H1-2: variants seen among roughly 807,000 people sequenced by gnomAD.
The protein encoded by H1-2 is H1.2 linker histone, cluster member.
In H1-2, 7 loss-of-function variants were observed where a neutral mutation model predicts 7.2. That is an observed-to-expected ratio of 0.97 (90% CI 0.55 to 1.82). The LOEUF is 1.82. H1-2 is among the 40% of genes most tolerant of loss of function. The pLI is 0.00. For missense variants in H1-2, 703 were observed against 276.6 expected (o/e 2.54, Z -10.94); for synonymous variants, 300 against 118.2 (o/e 2.54, Z -9.98).
rs376392559 is a variant in H1-2 at position 26,056,409 on chromosome 6, G to A, written c.20C>T (p.Ala7Val). The change falls in exon 1 of 1, where the codon GCC (alanine) becomes GTC (valine). Residue 7 changes from alanine to valine, a missense_variant. Transcript: ENST00000343677. Reference sequence around the variant, plus strand: ...CGCAGGAGGCGCGGCAGCGGGAGCGGCAGGAGCAGTCTCGGACATGTTGAG... The same window carrying A: ...CGCAGGAGGCGCGGCAGCGGGAGCGACAGGAGCAGTCTCGGACATGTTGAG... MSETAP[A>V]APAAAPPAEK... is the part of the protein sequence containing the mutation. The A allele has an allele frequency of 1.4e-5, 22 of 1,599,208 alleles. No homozygotes were observed. In the African/African-American group the frequency reaches 1.9e-4, roughly 14 times the overall value.
chr6:26,056,169 A>C lies in H1-2; in HGVS notation c.260T>G (p.Leu87Arg). 1 of 1,614,244 alleles carries C rather than the reference A, an allele frequency of 6.2e-7. No individual in the cohort carries two copies. Residue 87 changes from leucine to arginine, a missense_variant, in exon 1 of 1, where the codon CTG (leucine) becomes CGG (arginine). By Grantham distance (102) the Leu-to-Arg change is moderately radical. Transcript: ENST00000343677. ...NSRIKLGLKSLVSKGTLVQTK... is the reference protein window; with the variant it reads ...NSRIKLGLKSRVSKGTLVQTK... ...TTGCACCAGAGTGCCCTTGCTCACC[A>C]GGCTCTTGAGACCAAGTTTGATACG...
At position 26,056,355 on chromosome 6, in the gene H1-2, G is replaced by A. The variant is rs376512453; in HGVS notation, c.74C>T (p.Ala25Val). ...AEKAPVKKKA[A>V]KKAGGTPRKA... The stretch of plus-strand genomic sequence containing the variant: ...ACGAGGCGTACCCCCAGCCTTTTTG[G>A]CCGCCTTCTTCTTTACAGGGGCCTT... Residue 25 changes from alanine to valine, a missense_variant, in exon 1 of 1, where the codon GCC becomes GTC. Transcript: ENST00000343677. The A allele has an allele frequency of 7.1e-4, 1,148 of 1,613,588 alleles. 20 individuals carry two copies. The South Asian group carries it at 0.011, about 16-fold the overall frequency.
rs769149236 is a variant in H1-2 at position 26,055,853 on chromosome 6, A to C, written c.576T>G (p.Ala192=). 2 of 1,613,918 alleles carry C rather than the reference A, an allele frequency of 1.2e-6. No homozygotes were observed. Among genetic ancestry groups the C allele is most frequent in the Middle Eastern group, 1.7e-4 (1 of 6,056 alleles). ...TGGGCTTAGCGGCCTTGGGCTTCAC[A>C]GCCTTAGCAGCACTTTTGGCAGCTT... ...PKKAAKSAAK[A]VKPKAAKPKV... The change falls in exon 1 of 1, where the codon GCT becomes GCG. Residue 192 remains alanine, a synonymous_variant. Coordinates refer to ENST00000343677, the MANE Select transcript of H1-2 (RefSeq NM_005319.4).
Position 26,056,418 on chromosome 6 carries a change from G to A in H1-2, c.11C>T (p.Thr4Ile), listed in dbSNP as rs766308934. 1.1e-5 allele frequency: 17 copies of A among 1,583,400 alleles called. No homozygotes were observed. Among genetic ancestry groups the A allele is most frequent in the Middle Eastern group, 1.7e-4 (1 of 5,884 alleles). MSE[T>I]APAAPAAAPP... ...CGCGGCAGCGGGAGCGGCAGGAGCAGTCTCGGACATGTTGAGAATCAAAAA... is the reference window on the plus strand; with the variant it reads ...CGCGGCAGCGGGAGCGGCAGGAGCAATCTCGGACATGTTGAGAATCAAAAA... Residue 4 changes from threonine to isoleucine, a missense_variant, in exon 1 of 1, where the codon ACT (threonine) becomes ATT (isoleucine). Transcript: ENST00000343677.
chr6:26,056,206 T>C lies in H1-2; in HGVS notation c.223A>G (p.Lys75Glu). The change falls in exon 1 of 1, where the codon AAA becomes GAA. Residue 75 changes from lysine (K) to glutamate (E), a missense_variant. By Grantham distance (56) the Lys-to-Glu change is moderately conservative. Transcript: ENST00000343677. ...ALAAAGYDVEKNNSRIKLGLK... is the reference protein window; with the variant it reads ...ALAAAGYDVEENNSRIKLGLK... ...CCAAGTTTGATACGGCTGTTGTTTT[T>C]CTCCACATCATAGCCGGCGGCAGCC... is the stretch of plus-strand genomic sequence containing the variant. 3 of 1,614,202 alleles carry C rather than the reference T, an allele frequency of 1.9e-6. No individual in the cohort carries two copies. Among genetic ancestry groups the C allele is most frequent in the Middle Eastern group, 1.6e-4 (1 of 6,062 alleles).
Position 26,055,776 on chromosome 6 carries a change from T to C in H1-2, c.*11A>G, listed in dbSNP as rs374224259. The C allele has an allele frequency of 7.6e-6, 12 of 1,582,170 alleles. No individual in the cohort carries two copies. Among genetic ancestry groups the C allele is most frequent in the East Asian group, 4.5e-5 (2 of 44,798 alleles). On this transcript the variant is annotated 3_prime_UTR_variant, in exon 1 of 1. Coordinates refer to ENST00000343677, the MANE Select transcript of H1-2 (RefSeq NM_005319.4). ...AAAAGAGCCTTTTGGGTTTTAGAAG[T>C]AGGCGTTCGCCTATTTCTTCTTGGG...
rs762871933 is a variant in H1-2, at chr6:26,056,000, G to C, written c.429C>G (p.Gly143=). 13 of 1,613,818 alleles carry C rather than the reference G, an allele frequency of 8.1e-6. No homozygotes were observed. The highest frequency in any genetic ancestry group is 1.1e-5 in the Non-Finnish European group (13 of 1,180,026). The change falls in exon 1 of 1, where the codon GGC becomes GGG. Residue 143 remains glycine, a synonymous_variant. Coordinates refer to ENST00000343677, the MANE Select transcript of H1-2 (RefSeq NM_005319.4). ...GAAKKPKKAA[G]GATPKKSAKK... The stretch of plus-strand genomic sequence containing the variant: ...TAGCGCTCTTCTTCGGAGTTGCGCC[G>C]CCAGCCGCCTTCTTGGGCTTCTTGG...
At position 26,056,078 on chromosome 6, in the gene H1-2, C is replaced by A. The variant is rs377684232; in HGVS notation, c.351G>T (p.Lys117Asn). 6.2e-7 allele frequency: 1 copy of A among 1,614,094 alleles called. No individual in the cohort carries two copies. The highest frequency in any genetic ancestry group is 1.3e-5 in the African/African-American group (1 of 74,944). ...TTCCGCCCGCCTTTTTAACCTTGGGCTTGGCTTCCCCGGAGGCTGCCTTCT... is the reference window on the plus strand; with the variant it reads ...TTCCGCCCGCCTTTTTAACCTTGGGATTGGCTTCCCCGGAGGCTGCCTTCT... Reference protein sequence around the residue: ...LNKKAASGEAKPKVKKAGGTK... With the variant: ...LNKKAASGEANPKVKKAGGTK... Residue 117 changes from lysine to asparagine, a missense_variant, in exon 1 of 1, where the codon AAG becomes AAT. Physicochemically the swap from Lys to Asn is moderately conservative, Grantham distance 94. Transcript: ENST00000343677.
chr6:26,055,957 C>G lies in H1-2; in HGVS notation c.472G>C (p.Ala158Pro), dbSNP rs780492856. ...KKSAKKTPKK[A>P]KKPAAATVTK... The stretch of plus-strand genomic sequence containing the variant: ...ACAGTGGCCGCGGCCGGCTTCTTCG[C>G]TTTCTTCGGTGTTTTCTTAGCGCTC... Residue 158 changes from alanine to proline, a missense_variant, in exon 1 of 1, where the codon GCG (alanine) becomes CCG (proline). By Grantham distance (27) the Ala-to-Pro change is conservative. Coordinates refer to ENST00000343677, the MANE Select transcript of H1-2 (RefSeq NM_005319.4). 6.2e-7 allele frequency: 1 copy of G among 1,614,118 alleles called. No individual in the cohort carries two copies. The highest frequency in any genetic ancestry group is 8.5e-7 in the Non-Finnish European group (1 of 1,180,036).
rs144669348 is a variant in H1-2 at position 26,055,817 on chromosome 6, C to T, written c.612G>A (p.Lys204=). 268 of 1,604,330 alleles carry T rather than the reference C, an allele frequency of 1.7e-4. No individual in the cohort carries two copies. The highest frequency in any genetic ancestry group is 1.5e-3 in the African/African-American group (114 of 74,102). The change falls in exon 1 of 1, where the codon AAG becomes AAA. Residue 204 remains lysine, a synonymous_variant. Coordinates refer to ENST00000343677, the MANE Select transcript of H1-2 (RefSeq NM_005319.4). ...TCTTCTTGGGCGCCGCCTTCTTAGGCTTGACAACCTTGGGCTTAGCGGCCT... is the reference window on the plus strand; with the variant it reads ...TCTTCTTGGGCGCCGCCTTCTTAGGTTTGACAACCTTGGGCTTAGCGGCCT... The part of the protein sequence containing the change: ...KPKAAKPKVV[K]PKKAAPKKK
At position 26,055,877 on chromosome 6, in the gene H1-2, T is replaced by G. The variant is rs780323854; in HGVS notation, c.552A>C (p.Lys184Asn). 2 of 1,614,132 alleles carry G rather than the reference T, an allele frequency of 1.2e-6. No individual in the cohort carries two copies. Among genetic ancestry groups the G allele is most frequent in the Non-Finnish European group, 1.7e-6 (2 of 1,179,962 alleles). ...CAGCCTTAGCAGCACTTTTGGCAGC[T>G]TTCTTGGGCTTCGCAACCTTGGCCT... The part of the protein sequence containing the change: ...PKKAKVAKPK[K>N]AAKSAAKAVK... The change falls in exon 1 of 1, where the codon AAA becomes AAC. Residue 184 changes from lysine (K) to asparagine (N), a missense_variant. Coordinates refer to ENST00000343677, the MANE Select transcript of H1-2 (RefSeq NM_005319.4).
In H1-2 at chr6:26,055,886, C is replaced by T. The variant is rs1761905422; in HGVS notation, c.543G>A (p.Lys181=). ...AKSPKKAKVA[K]PKKAAKSAAK... Reference sequence around the variant, plus strand: ...CAGCACTTTTGGCAGCTTTCTTGGGCTTCGCAACCTTGGCCTTCTTTGGGC... The same window carrying T: ...CAGCACTTTTGGCAGCTTTCTTGGGTTTCGCAACCTTGGCCTTCTTTGGGC... The change falls in exon 1 of 1, where the codon AAG becomes AAA. Residue 181 remains lysine, a synonymous_variant. Transcript: ENST00000343677. The T allele has an allele frequency of 6.8e-6, 11 of 1,614,198 alleles. No individual in the cohort carries two copies. The highest frequency in any genetic ancestry group is 2.2e-5 in the East Asian group (1 of 44,878).
chr6:26,055,941 G>A lies in H1-2; in HGVS notation c.488C>T (p.Ala163Val), dbSNP rs747675335. The A allele has an allele frequency of 6.2e-6, 10 of 1,614,092 alleles. No homozygotes were observed. In the South Asian group the frequency reaches 6.6e-5, roughly 11 times the overall value. The change falls in exon 1 of 1, where the codon GCG becomes GTG. Residue 163 changes from alanine to valine, a missense_variant. Ala to Val is a moderately conservative substitution (Grantham distance 64, BLOSUM62 0). Coordinates refer to ENST00000343677, the MANE Select transcript of H1-2 (RefSeq NM_005319.4). ...KTPKKAKKPAAATVTKKVAKS... is the reference protein window; with the variant it reads ...KTPKKAKKPAVATVTKKVAKS... ...AGCCACTTTCTTGGTTACAGTGGCC[G>A]CGGCCGGCTTCTTCGCTTTCTTCGG...
In H1-2 at chr6:26,055,776, T is replaced by G. The variant is rs374224259; in HGVS notation, c.*11A>C. On this transcript the variant is annotated 3_prime_UTR_variant, in exon 1 of 1. Coordinates refer to ENST00000343677, the MANE Select transcript of H1-2 (RefSeq NM_005319.4). ...AAAAGAGCCTTTTGGGTTTTAGAAG[T>G]AGGCGTTCGCCTATTTCTTCTTGGG... 414 of 1,582,170 alleles carry G rather than the reference T, an allele frequency of 2.6e-4. No individual in the cohort carries two copies. Among genetic ancestry groups the G allele is most frequent in the Non-Finnish European group, 3.4e-4 (397 of 1,171,490 alleles).
Position 26,056,254 on chromosome 6 carries a change from G to A in H1-2, c.175C>T (p.Leu59=), listed in dbSNP as rs61743777. The change falls in exon 1 of 1, where the codon CTG becomes TTG. Residue 59 remains leucine (L), a synonymous_variant. Coordinates refer to ENST00000343677, the MANE Select transcript of H1-2 (RefSeq NM_005319.4). ...GCCAACGCTTTTTTCAGAGCAGCCA[G>A]AGAAACTCCGCTACGCTCTTTAGAG... ...AASKERSGVS[L]AALKKALAAA... is the part of the protein sequence containing the mutation. The A allele has an allele frequency of 3.1e-3, 4,934 of 1,614,230 alleles. 108 individuals are homozygous for A. The African/African-American group carries it at 0.054, about 18-fold the overall frequency.
chr6:26,055,848 T>G lies in H1-2; in HGVS notation c.581A>C (p.Lys194Thr), dbSNP rs1443155576. Residue 194 changes from lysine (K) to threonine (T), a missense_variant, in exon 1 of 1, where the codon AAG becomes ACG. Lys to Thr is a moderately conservative substitution (Grantham distance 78). Coordinates refer to ENST00000343677, the MANE Select transcript of H1-2 (RefSeq NM_005319.4). Reference sequence around the variant, plus strand: ...AACCTTGGGCTTAGCGGCCTTGGGCTTCACAGCCTTAGCAGCACTTTTGGC... The same window carrying G: ...AACCTTGGGCTTAGCGGCCTTGGGCGTCACAGCCTTAGCAGCACTTTTGGC... ...KAAKSAAKAV[K>T]PKAAKPKVVK... is the part of the protein sequence containing the mutation. The G allele has an allele frequency of 1.2e-6, 2 of 1,613,830 alleles. No individual in the cohort carries two copies. The highest frequency in any genetic ancestry group is 3.3e-5 in the Admixed American group (2 of 59,972).
chr6:26,056,030 C>T lies in H1-2; in HGVS notation c.399G>A (p.Gly133=), dbSNP rs780078059. 9 of 1,614,060 alleles carry T rather than the reference C, an allele frequency of 5.6e-6. No individual in the cohort carries two copies. Among genetic ancestry groups the T allele is most frequent in the South Asian group, 2.2e-5 (2 of 91,068 alleles). The change falls in exon 1 of 1, where the codon GGG becomes GGA. Residue 133 remains glycine (G), a synonymous_variant. Coordinates refer to ENST00000343677, the MANE Select transcript of H1-2 (RefSeq NM_005319.4). ...AGGTKPKKPV[G]AAKKPKKAAG... is the part of the protein sequence containing the mutation. ...CCGCCTTCTTGGGCTTCTTGGCTGC[C>T]CCAACTGGCTTCTTAGGTTTGGTTC...
rs746584114 is a variant in H1-2, at chr6:26,056,282, G to C, written c.147C>G (p.Ala49=). Residue 49 remains alanine, a synonymous_variant, in exon 1 of 1, where the codon GCC becomes GCG. Transcript: ENST00000343677. ...AAACTCCGCTACGCTCTTTAGAGGC[G>C]GCCACAGCCTTGGTGATGAGCTCTG... ...PVSELITKAV[A]ASKERSGVSL... 21 of 1,614,086 alleles carry C rather than the reference G, an allele frequency of 1.3e-5. No individual in the cohort carries two copies. The highest frequency in any genetic ancestry group is 3.3e-4 in the Middle Eastern group (2 of 6,082).
Position 26,056,272 on chromosome 6 carries a change from C to T in H1-2, c.157G>A (p.Glu53Lys), listed in dbSNP as rs372319415. 4 of 1,614,238 alleles carry T rather than the reference C, an allele frequency of 2.5e-6. No individual in the cohort carries two copies. Among genetic ancestry groups the T allele is most frequent in the African/African-American group, 1.3e-5 (1 of 75,078 alleles). ...LITKAVAASKERSGVSLAALK... is the reference protein window; with the variant it reads ...LITKAVAASKKRSGVSLAALK... ...GCAGCCAGAGAAACTCCGCTACGCT[C>T]TTTAGAGGCGGCCACAGCCTTGGTG... The change falls in exon 1 of 1, where the codon GAG becomes AAG. Residue 53 changes from glutamate to lysine, a missense_variant. Transcript: ENST00000343677.
Sources: gnomAD v4.1 joint callset for allele counts on GRCh38, gnomAD v4.1.1 for gene constraint, MANE v1.5 for transcripts, NCBI Gene and HGNC (gene_info 2026-07-23, HGNC 2026-07-21) for gene names.